The following UNC5D variants were observed in gnomAD, a reference collection of about 807,000 sequenced individuals.
The protein encoded by UNC5D is unc-5 netrin receptor D.
Under a neutral mutation model 105.4 loss-of-function variants are expected in UNC5D, and 39 were observed. That is an observed-to-expected ratio of 0.37 (90% CI 0.29 to 0.48). UNC5D has a LOEUF of 0.48. UNC5D is among the 20% of genes least tolerant of loss of function. The pLI, the probability that UNC5D is intolerant of heterozygous loss-of-function variation, is 0.98. For missense variants in UNC5D, 991 were observed against 1,202.4 expected, an observed-to-expected ratio of 0.82 and a Z score of 2.60; for synonymous variants, 452 against 450.4, an observed-to-expected ratio of 1.00 and a Z score of -0.04.
At chr8:35,401,223 C>A (rs1804437888) in intron 1 of UNC5D, among the ~76,000 whole-genome samples, 1 of 152,096 alleles carries the variant, frequency 6.6e-6, no homozygotes, top group Admixed American at 6.5e-5. Flanking sequence ...GTGGTTCACA[C>A]CTGTAATCCC....
chr8:35,497,840 C>G (rs1162466605), intron 1 of UNC5D, among the ~76,000 whole-genome samples: 2 of 151,796 alleles, frequency 1.3e-5, no homozygotes, highest in Non-Finnish European at 2.9e-5. Context: ...GAGGCTGAGG[C>G]AGGTGGATCA....
intron 1 of UNC5D, among the ~76,000 whole-genome samples, chr8:35,451,494 T>A (rs183574180): frequency 6.6e-6 from 1 of 152,264 alleles, no homozygotes; most frequent in Admixed American, 6.5e-5. Flanking sequence ...GTTATCCCAG[T>A]TTTATAAATG....
intron 1 of UNC5D, among the ~76,000 whole-genome samples, chr8:35,285,477 C>T (rs184626070): frequency 5.3e-4 from 80 of 152,182 alleles, no homozygotes; most frequent in Admixed American, 8.5e-4. Flanking sequence ...ATGTGAATAA[C>T]GTTAAATTTT....
At chr8:35,275,391 A>G (rs1252272577) in intron 1 of UNC5D, among the ~76,000 whole-genome samples, 1 of 152,134 alleles carries the variant, frequency 6.6e-6, no homozygotes, top group Non-Finnish European at 1.5e-5. Flanking sequence ...TGTTGAAAAA[A>G]AATTCCATAA....
intron 1 of UNC5D, among the ~76,000 whole-genome samples, chr8:35,325,871 G>A (rs1016138035): frequency 2.0e-5 from 3 of 152,068 alleles, no homozygotes; most frequent in South Asian, 2.1e-4. Flanking sequence ...TCCTATCATC[G>A]TCCTCAGTAT....
intron 3 of UNC5D, among the ~76,000 whole-genome samples, chr8:35,571,873 G>C (rs1817745552): frequency 2.0e-5 from 3 of 152,182 alleles, no homozygotes; most frequent in Non-Finnish European, 4.4e-5. Context: ...CAATCATCTT[G>C]AGGGGGCTTT....
intron 7 of UNC5D, among the ~76,000 whole-genome samples, chr8:35,696,875 G>GTGTT (rs1324358024): frequency 2.0e-5 from 3 of 152,236 alleles, no homozygotes; most frequent in Middle Eastern, 3.4e-3. Context: ...GTACAGGACA[G>GTGTT]TGTTAGTGTT....
At chr8:35,685,780 G>GACTC (rs1825966804) in intron 6 of UNC5D, among the ~76,000 whole-genome samples, 1 of 152,146 alleles carries the variant, frequency 6.6e-6, no homozygotes. Flanking sequence ...CCAAGACAAG[G>GACTC]ACTCAGACAT....
At chr8:35,306,712 T>C (rs947999277) in intron 1 of UNC5D, among the ~76,000 whole-genome samples, 1 of 152,120 alleles carries the variant, frequency 6.6e-6, no homozygotes, top group Non-Finnish European at 1.5e-5. Context: ...CCATCATGAA[T>C]TGTCTCCAAA....
chr8:35,491,588 T>C (rs1811219180), intron 1 of UNC5D, among the ~76,000 whole-genome samples: 1 of 151,828 alleles, frequency 6.6e-6, no homozygotes, highest in Non-Finnish European at 1.5e-5. Flanking sequence ...TACTCAAAAA[T>C]ATACTCCAAG....
At chr8:35,463,224 A>G (rs1410155541) in intron 1 of UNC5D, among the ~76,000 whole-genome samples, 2 of 152,244 alleles carry the variant, frequency 1.3e-5, no homozygotes, top group Non-Finnish European at 2.9e-5. Flanking sequence ...GCTGTATCCC[A>G]GTATCTGTTC....
At chr8:35,745,761 G>T (rs2131622990) in intron 11 of UNC5D, among the ~76,000 whole-genome samples, 1 of 152,322 alleles carries the variant, frequency 6.6e-6, no homozygotes. Flanking sequence ...AGGTTTTTCA[G>T]TCTACAGACC....
At position 35,271,705 on chromosome 8, in the gene UNC5D, A is replaced by G. The variant is rs373419598; in HGVS notation, c.103+35818A>G. Among the ~76,000 whole-genome samples, 59 of 46,576 alleles carry G rather than the reference A, an allele frequency of 1.3e-3. 1 individual carries two copies. Among genetic ancestry groups the G allele is most frequent in the Admixed American group, 4.0e-3 (17 of 4,198 alleles). 30.6% of individuals were successfully genotyped at this position (46,576 alleles called of 152,430 possible). A position where few individuals can be genotyped will look rare whatever the true frequency, so the allele number is the denominator to read the frequency against. ...TATGTATACATGTATACATGTATAC[A>G]TATATATTTATACATGTATACATGT... On this transcript the variant is annotated intron_variant, in intron 1 of 16. Transcript: ENST00000404895.
intron 2 of UNC5D, among the ~76,000 whole-genome samples, chr8:35,564,588 C>A (rs541974036): frequency 1.1e-4 from 16 of 152,298 alleles, no homozygotes; most frequent in Non-Finnish European, 1.9e-4. Context: ...AGCTTGCTTT[C>A]TGTCCTAACA....
intron 1 of UNC5D, among the ~76,000 whole-genome samples, chr8:35,270,479 A>G (rs1407948801): frequency 8.5e-5 from 13 of 152,198 alleles, no homozygotes. Flanking sequence ...ATATTGAGTT[A>G]ATTTTTAACC....
At chr8:35,393,541 T>C (rs1335405704) in intron 1 of UNC5D, among the ~76,000 whole-genome samples, 1 of 152,212 alleles carries the variant, frequency 6.6e-6, no homozygotes, top group Non-Finnish European at 1.5e-5. Flanking sequence ...TATATCTCAC[T>C]GTCATGTAGA....
intron 1 of UNC5D, among the ~76,000 whole-genome samples, chr8:35,362,840 C>A (rs1017620960): frequency 2.0e-5 from 3 of 152,058 alleles, no homozygotes; most frequent in African/African-American, 7.2e-5. Context: ...GTTGTTGTAG[C>A]TATGAAAGAT....
At chr8:35,778,829 C>G (rs762428786) in intron 16 of UNC5D, among the ~76,000 whole-genome samples, 1 of 152,132 alleles carries the variant, frequency 6.6e-6, no homozygotes, top group Non-Finnish European at 1.5e-5. Flanking sequence ...TGATAATATG[C>G]CTTTTTGCCA....
At chr8:35,684,540 C>T in intron 5 of UNC5D, 42 bp from the exon 6 acceptor site, 1 of 1,595,030 alleles carries the variant, frequency 6.3e-7, no homozygotes, top group East Asian at 2.2e-5. Flanking sequence ...TCAGTAAAAA[C>T]CTCTCTCCTT....
Sources: allele counts gnomAD v4.1 joint callset (sites outside exome capture counted in the v4.1 genomes callset), GRCh38; gene constraint gnomAD v4.1.1; transcripts MANE v1.5; gene names NCBI Gene and HGNC (gene_info 2026-07-23, HGNC 2026-07-21).